PKHD1: variants seen among roughly 807,000 people sequenced by gnomAD.
The protein encoded by PKHD1 is fibrocystin.
A neutral mutation model predicts 412.0 loss-of-function variants in PKHD1; 291 were observed. That is an observed-to-expected ratio of 0.71 (90% CI 0.64 to 0.78). The LOEUF (loss-of-function observed/expected upper bound fraction) is 0.78. PKHD1 is among the 30% of genes least tolerant of loss of function. The probability of loss-of-function intolerance (pLI) is 0.00; values close to 1 mark genes in which losing one functional copy is unlikely to be tolerated. For synonymous variants in PKHD1, 1,777 were observed against 1,821.5 expected (o/e 0.98, Z 0.62); for missense variants, 4,825 against 4,950.7 (o/e 0.97, Z 0.76).
chr6:51,655,519 C>T (rs1487526727), intron 61 of PKHD1, among the ~76,000 whole-genome samples: 1 of 152,100 alleles, frequency 6.6e-6, no homozygotes, highest in Non-Finnish European at 1.5e-5. Flanking sequence ...CATGCTCACC[C>T]TCACAGTAAC....
At chr6:51,731,917 A>G (rs542312050) in intron 60 of PKHD1, among the ~76,000 whole-genome samples, 1 of 152,186 alleles carries the variant, frequency 6.6e-6, no homozygotes, top group Non-Finnish European at 1.5e-5. Context: ...ATTTTAAACA[A>G]TGTTTATATG....
At chr6:51,859,919 A>G (rs1161191734) in intron 48 of PKHD1, among the ~76,000 whole-genome samples, 1 of 152,192 alleles carries the variant, frequency 6.6e-6, no homozygotes, top group African/African-American at 2.4e-5. Flanking sequence ...TCAGAATCCA[A>G]TAATCTGATG....
chr6:51,919,513 G>A (rs543158567), intron 37 of PKHD1, among the ~76,000 whole-genome samples: 7 of 152,326 alleles, frequency 4.6e-5, no homozygotes, highest in African/African-American at 1.7e-4. Context: ...CAAGTACCAT[G>A]CTGTTTTGGT....
chr6:51,676,267 C>CTATTCTTTAT (rs1775840590), intron 60 of PKHD1, among the ~76,000 whole-genome samples: 1 of 144,098 alleles, frequency 6.9e-6, no homozygotes, highest in East Asian at 2.1e-4. Flanking sequence ...AAAAAAACTT[C>CTATTCTTTAT]TATTCTTTAT....
intron 35 of PKHD1, among the ~76,000 whole-genome samples, chr6:51,982,619 G>A (rs925335622): frequency 6.1e-5 from 9 of 148,094 alleles, no homozygotes; most frequent in Non-Finnish European, 1.2e-4. Context: ...CAGCATGCTC[G>A]TCAAGAGTCA....
intron 36 of PKHD1, among the ~76,000 whole-genome samples, chr6:51,950,220 A>AAAAAAAAAAAAAAAAAAAAT: frequency 2.0e-5 from 2 of 98,326 alleles, no homozygotes; most frequent in African/African-American, 7.6e-5. Context: ...GAAAAAAAAA[A>AAAAAAAAAAAAAAAAAAAAT]ATATATATAT....
intron 35 of PKHD1, among the ~76,000 whole-genome samples, chr6:51,966,522 ACT>A (rs1249187122): frequency 6.6e-6 from 1 of 152,128 alleles, no homozygotes; most frequent in Non-Finnish European, 1.5e-5. Flanking sequence ...TTCCTTTCAT[ACT>A]CACAACTAAA....
intron 60 of PKHD1, among the ~76,000 whole-genome samples, chr6:51,735,881 C>T (rs142734137): frequency 1.1e-4 from 17 of 152,212 alleles, no homozygotes; most frequent in African/African-American, 4.1e-4. Context: ...TTGTAGTGAG[C>T]TATGATTGTA....
At chr6:51,625,690 C>T (rs925562107) in intron 66 of PKHD1, among the ~76,000 whole-genome samples, 1 of 152,052 alleles carries the variant, frequency 6.6e-6, no homozygotes, top group East Asian at 1.9e-4. Flanking sequence ...TTAATTTAAG[C>T]GGGCCACTGA....
chr6:52,043,493 G>T, intron 26 of PKHD1, 132 bp downstream of exon 26: 1 of 726,720 alleles, frequency 1.4e-6, no homozygotes, highest in Non-Finnish European at 2.5e-6. Flanking sequence ...TACACTTTCT[G>T]CTACGTCACT....
At position 51,632,727 on chromosome 6, in the gene PKHD1, T is replaced by C. The variant is rs570641132; in HGVS notation, c.11507-4A>G. 2 of 1,611,980 alleles carry C rather than the reference T, an allele frequency of 1.2e-6. No individual in the cohort carries two copies. Among genetic ancestry groups the C allele is most frequent in the African/African-American group, 2.7e-5 (2 of 74,908 alleles). On this transcript the variant is annotated splice_region_variant and splice_polypyrimidine_tract_variant and intron_variant, in intron 64 of 66. Coordinates refer to ENST00000371117, the MANE Select transcript of PKHD1 (RefSeq NM_138694.4). The stretch of plus-strand genomic sequence containing the variant: ...GATCGAGCTGTAAAATTGACTCCTG[T>C]GGCGGGGAAAAGAAGATGTTTCAAT...
At chr6:51,648,403 G>T (rs946032451) in intron 62 of PKHD1, among the ~76,000 whole-genome samples, 1 of 152,192 alleles carries the variant, frequency 6.6e-6, no homozygotes, top group Non-Finnish European at 1.5e-5. Context: ...TGTGCTGAAG[G>T]TTCTTAAGAA....
chr6:51,627,156 T>TAAAAA, intron 65 of PKHD1, 40 bp from the exon 66 acceptor site: 23 of 1,598,412 alleles, frequency 1.4e-5, no homozygotes, highest in African/African-American at 2.7e-5. Context: ...TTTGTTCAGT[T>TAAAAA]GTAAGTGGGA....
chr6:51,664,052 A>C (rs1003798804), intron 60 of PKHD1, among the ~76,000 whole-genome samples: 1 of 152,206 alleles, frequency 6.6e-6, no homozygotes, highest in African/African-American at 2.4e-5. Flanking sequence ...AAAATAATAA[A>C]AAATGGCCTT....
At chr6:51,727,210 C>G (rs1477480944) in intron 60 of PKHD1, among the ~76,000 whole-genome samples, 1 of 152,104 alleles carries the variant, frequency 6.6e-6, no homozygotes, top group Non-Finnish European at 1.5e-5. Flanking sequence ...TTTCCTTTTC[C>G]TCTTTTCTCT....
chr6:51,831,144 C>A (rs1682802696), intron 51 of PKHD1, among the ~76,000 whole-genome samples, 155 bp from the exon 52 acceptor site: 1 of 152,024 alleles, frequency 6.6e-6, no homozygotes, highest in African/African-American at 2.4e-5. Flanking sequence ...AGTTAAAAAG[C>A]AAGTAATTAT....
intron 55 of PKHD1, among the ~76,000 whole-genome samples, chr6:51,756,351 T>G (rs1174591880): frequency 6.6e-6 from 1 of 152,148 alleles, no homozygotes; most frequent in African/African-American, 2.4e-5. Flanking sequence ...ATGGAGCCAG[T>G]GATTGAATTA....
At chr6:51,755,280 T>C (rs1053320920) in intron 55 of PKHD1, among the ~76,000 whole-genome samples, 4 of 152,218 alleles carry the variant, frequency 2.6e-5, no homozygotes, top group Admixed American at 6.5e-5. Context: ...GATTCAATAA[T>C]AACAGCATTT....
chr6:51,791,180 C>T, intron 53 of PKHD1, 56 bp downstream of exon 53: 1 of 1,555,888 alleles, frequency 6.4e-7, no homozygotes, highest in Non-Finnish European at 8.9e-7. Context: ...TTCCCAGAGC[C>T]CCTTCTCACA....
Sources: gnomAD v4.1 joint callset for allele counts (sites outside exome capture counted in the v4.1 genomes callset) on GRCh38, gnomAD v4.1.1 for gene constraint, MANE v1.5 for transcripts, NCBI Gene and HGNC (gene_info 2026-07-23, HGNC 2026-07-21) for gene names.